CAMK1D: variants seen among roughly 807,000 people sequenced by gnomAD.
The protein encoded by CAMK1D is calcium/calmodulin dependent protein kinase ID.
Under a neutral mutation model 47.7 loss-of-function variants are expected in CAMK1D, and 9 were observed. The ratio of observed to expected loss-of-function variants is 0.19; its 90% CI spans 0.11 to 0.33. The LOEUF is 0.33. CAMK1D is among the 10% of genes least tolerant of loss of function. CAMK1D has a pLI of 1.00. For missense variants in CAMK1D, 291 were observed against 488.7 expected, an observed-to-expected ratio of 0.60 and a Z score of 3.81; for synonymous variants, 184 against 184.9, an observed-to-expected ratio of 0.99 and a Z score of 0.04.
intron 2 of CAMK1D, among the ~76,000 whole-genome samples, chr10:12,617,241 GTTATT>G (rs1274935485): frequency 5.9e-5 from 9 of 152,172 alleles, no homozygotes; most frequent in African/African-American, 2.2e-4. Context: ...AACTGGTGCT[GTTATT>G]TTATTTTAAA....
intron 5 of CAMK1D, among the ~76,000 whole-genome samples, chr10:12,785,735 C>T (rs923728707): frequency 3.3e-5 from 5 of 152,144 alleles, no homozygotes; most frequent in South Asian, 2.1e-4. Flanking sequence ...CTGGCCGGTT[C>T]GGCTGGTTCT....
At chr10:12,674,305 A>G (rs1329476052) in intron 3 of CAMK1D, among the ~76,000 whole-genome samples, 2 of 152,236 alleles carry the variant, frequency 1.3e-5, no homozygotes, top group African/African-American at 2.4e-5. Context: ...TTGTTTGACT[A>G]AAGAGCTAAG....
At chr10:12,728,279 A>G (rs1313188707) in intron 3 of CAMK1D, among the ~76,000 whole-genome samples, 1 of 152,140 alleles carries the variant, frequency 6.6e-6, no homozygotes, top group African/African-American at 2.4e-5. Flanking sequence ...TTTTCTAGCT[A>G]CCCTCTTGGT....
intron 4 of CAMK1D, among the ~76,000 whole-genome samples, chr10:12,762,344 A>G (rs1836549248): frequency 6.6e-6 from 1 of 152,210 alleles, no homozygotes; most frequent in Non-Finnish European, 1.5e-5. Flanking sequence ...AGAACCAGTC[A>G]TAAACATTTG....
intron 3 of CAMK1D, among the ~76,000 whole-genome samples, chr10:12,749,562 GT>G (rs71982177): frequency 9.2e-6 from 1 of 108,736 alleles, no homozygotes. Flanking sequence ...TTGTTTGTTT[GT>G]TTGTTTGTTT....
At chr10:12,643,648 C>T (rs1839728947) in intron 2 of CAMK1D, among the ~76,000 whole-genome samples, 1 of 152,024 alleles carries the variant, frequency 6.6e-6, no homozygotes, top group Non-Finnish European at 1.5e-5. Flanking sequence ...ATCTGGAAGG[C>T]CGAGGTGGGT....
intron 3 of CAMK1D, among the ~76,000 whole-genome samples, chr10:12,713,096 G>A (rs569265334): frequency 1.4e-4 from 22 of 151,856 alleles, no homozygotes; most frequent in South Asian, 6.2e-4. Flanking sequence ...TTGGGATGGA[G>A]TTTTGCTCTT....
chr10:12,414,987 T>G (rs1839793076), intron 1 of CAMK1D, among the ~76,000 whole-genome samples: 1 of 152,178 alleles, frequency 6.6e-6, no homozygotes, highest in Non-Finnish European at 1.5e-5. Flanking sequence ...TCTAGTTAAC[T>G]CTCTTTGATT....
rs186199198 is a variant in CAMK1D at position 12,747,772 on chromosome 10, G to A, written c.300-13176G>A. Among the ~76,000 whole-genome samples, 23 of 152,284 alleles carry A rather than the reference G, an allele frequency of 1.5e-4. 1 individual carries two copies. Among genetic ancestry groups the A allele is most frequent in the Admixed American group, 1.2e-3 (19 of 15,294 alleles). Reference sequence around the variant, plus strand: ...AGCCAGCAGGCTCGAGTCCTGGGAAGAGCATTTATATCAGTTCAAAGTCCA... The same window carrying A: ...AGCCAGCAGGCTCGAGTCCTGGGAAAAGCATTTATATCAGTTCAAAGTCCA... On this transcript the variant is annotated intron_variant, in intron 3 of 10. Coordinates refer to ENST00000619168, the MANE Select transcript of CAMK1D (RefSeq NM_153498.4).
intron 8 of CAMK1D, among the ~76,000 whole-genome samples, chr10:12,817,108 C>A (rs961826966): frequency 1.3e-5 from 2 of 152,126 alleles, no homozygotes; most frequent in Non-Finnish European, 1.5e-5. Flanking sequence ...TTCACTGTCA[C>A]GAGAACAGCA....
intron 1 of CAMK1D, among the ~76,000 whole-genome samples, chr10:12,484,332 C>T (rs953863823): frequency 1.3e-5 from 2 of 152,168 alleles, no homozygotes; most frequent in Non-Finnish European, 2.9e-5. Flanking sequence ...CAGGAAAACG[C>T]GTGAACTCTG....
At chr10:12,549,457 G>T (rs1836508188) in intron 1 of CAMK1D, among the ~76,000 whole-genome samples, 1 of 152,194 alleles carries the variant, frequency 6.6e-6, no homozygotes, top group South Asian at 2.1e-4. Context: ...TCCCCCAATG[G>T]ATGCAAGGAT....
intron 1 of CAMK1D, among the ~76,000 whole-genome samples, chr10:12,520,367 G>T (rs28705082): frequency 2.1e-5 from 2 of 94,882 alleles, no homozygotes; most frequent in Admixed American, 1.0e-4. Context: ...TTCCTAGTTG[G>T]GATGGCGGCC....
intron 1 of CAMK1D, among the ~76,000 whole-genome samples, chr10:12,365,351 T>C (rs1837799928): frequency 6.6e-6 from 1 of 152,218 alleles, no homozygotes; most frequent in Non-Finnish European, 1.5e-5. Flanking sequence ...GAGATAAGAA[T>C]GTGTGCTGCT....
At chr10:12,766,273 A>ACCCCC (rs1836753898) in intron 4 of CAMK1D, among the ~76,000 whole-genome samples, 1 of 15,106 alleles carries the variant, frequency 6.6e-5, no homozygotes, top group Admixed American at 7.5e-4. Flanking sequence ...CTCCTCCCCC[A>ACCCCC]GCCCTGGCCC....
At chr10:12,553,381 T>A in intron 2 of CAMK1D, 25 bp downstream of exon 2, 1 of 1,548,390 alleles carries the variant, frequency 6.5e-7, no homozygotes, top group Non-Finnish European at 8.9e-7. Flanking sequence ...GCAACCCTCC[T>A]CCCTTCCCTA....
At chr10:12,584,121 G>A (rs1837744602) in intron 2 of CAMK1D, among the ~76,000 whole-genome samples, 1 of 152,238 alleles carries the variant, frequency 6.6e-6, no homozygotes, top group Non-Finnish European at 1.5e-5. Context: ...TCTGGTTAAT[G>A]TCTTGTGAGT....
chr10:12,390,432 A>G (rs1022932887), intron 1 of CAMK1D, among the ~76,000 whole-genome samples: 2 of 152,168 alleles, frequency 1.3e-5, no homozygotes, highest in Admixed American at 1.3e-4. Context: ...CTAGAGCTAG[A>G]AGAGACATTG....
chr10:12,538,640 G>A (rs1173539799), intron 1 of CAMK1D, among the ~76,000 whole-genome samples: 2 of 152,102 alleles, frequency 1.3e-5, no homozygotes, highest in Admixed American at 1.3e-4. Context: ...GGAAGGGCCC[G>A]AGGAGGTGCA....
Sources: allele counts gnomAD v4.1 joint callset (sites outside exome capture counted in the v4.1 genomes callset), GRCh38; gene constraint gnomAD v4.1.1; transcripts MANE v1.5; gene names NCBI Gene and HGNC (gene_info 2026-07-23, HGNC 2026-07-21).